The following TPO variants were observed in gnomAD, a reference collection of about 807,000 sequenced individuals.
The protein encoded by TPO is thyroid microsomal antigen.
TPO carries 78 observed loss-of-function variants against 96.9 expected under a neutral mutation model. The ratio of observed to expected loss-of-function variants is 0.81; its 90% CI spans 0.67 to 0.97. The LOEUF is 0.97. TPO is among the 50% of genes least tolerant of loss of function. The probability of loss-of-function intolerance (pLI) is 0.00; values close to 1 mark genes in which losing one functional copy is unlikely to be tolerated. For synonymous variants in TPO, 547 were observed against 538.0 expected (o/e 1.02, Z -0.23); for missense variants, 1,252 against 1,274.8 (o/e 0.98, Z 0.27).
At chr2:1,440,367 G>T (rs1368486427) in intron 5 of TPO, among the ~76,000 whole-genome samples, 1 of 144,060 alleles carries the variant, frequency 6.9e-6, no homozygotes, top group Non-Finnish European at 1.5e-5. Flanking sequence ...CAAGTGGATG[G>T]CAGGGTTTCT....
chr2:1,463,755 AC>A (rs1456347833), intron 7 of TPO, among the ~76,000 whole-genome samples: 3 of 151,588 alleles, frequency 2.0e-5, no homozygotes, highest in Non-Finnish European at 2.9e-5. Context: ...GGTGCTGCAA[AC>A]CCCCCATCCA....
At chr2:1,532,370 A>T (rs1357286661) in intron 15 of TPO, among the ~76,000 whole-genome samples, 8 of 50,302 alleles carry the variant, frequency 1.6e-4, no homozygotes, top group African/African-American at 4.4e-4. Flanking sequence ...TACCCCCCAC[A>T]GTGCGCAACC....
rs1475299156 is a variant in TPO at position 1,532,227 on chromosome 2, C to A, written c.2619-8367C>A. ...ACCACTGTGAGCAACCTCCTCAAATCCCCCCACTGCCTGCAACCTCCTCAA... is the reference window on the plus strand; with the variant it reads ...ACCACTGTGAGCAACCTCCTCAAATACCCCCACTGCCTGCAACCTCCTCAA... On this transcript the variant is annotated intron_variant, in intron 15 of 16. Coordinates refer to ENST00000329066, the MANE Select transcript of TPO (RefSeq NM_001206744.2). Among the ~76,000 whole-genome samples the A allele has an allele frequency of 8.7e-4, 46 of 52,904 alleles. 1 individual carries two copies. The highest frequency in any genetic ancestry group is 5.6e-3 in the South Asian group (5 of 896). The allele number at this position is 52,904 out of a possible 152,430, so 34.7% of individuals were successfully genotyped here.
rs1045887698 is a variant in TPO at position 1,414,320 on chromosome 2, G to A, written c.-1-88G>A. ...AGGCTGCGTGGAGTCAGTGGAGGGA[G>A]CCCCTCAGCAGGGAGACAAGGACAC... On this transcript the variant is annotated intron_variant, in intron 1 of 16. Transcript: ENST00000329066. The A allele has an allele frequency of 3.2e-6, 4 of 1,267,420 alleles. No homozygotes were observed. The African/African-American group carries it at 5.9e-5, about 19-fold the overall frequency. The allele number at this position is 1,267,420 out of a possible 1,614,324, so 78.5% of individuals were successfully genotyped here.
At chr2:1,428,071 A>T (rs1455565938) in intron 3 of TPO, among the ~76,000 whole-genome samples, 1 of 152,242 alleles carries the variant, frequency 6.6e-6, no homozygotes, top group Admixed American at 6.5e-5. Context: ...CTTCACATTA[A>T]GAATGCGAAA....
chr2:1,516,612 C>G (rs1674739081), intron 14 of TPO, among the ~76,000 whole-genome samples: 1 of 152,210 alleles, frequency 6.6e-6, no homozygotes. Flanking sequence ...CAGGACGCGT[C>G]CATGCCGAAC....
chr2:1,526,012 C>T lies in TPO; in HGVS notation c.2618+9030C>T, dbSNP rs115854585. ...ACCTCCCCAAATCCCCCACTGTGTG[C>T]AACCTCCCCAAATCCGCCCACTGTG... On this transcript the variant is annotated intron_variant, in intron 15 of 16. Transcript: ENST00000329066. Among the ~76,000 whole-genome samples, 713 of 129,846 alleles carry T rather than the reference C, an allele frequency of 5.5e-3. 8 individuals are homozygous for T. Among genetic ancestry groups the T allele is most frequent in the African/African-American group, 0.021 (686 of 33,354 alleles). 85.2% of individuals were successfully genotyped at this position (129,846 alleles called of 152,430 possible).
intron 1 of TPO, among the ~76,000 whole-genome samples, chr2:1,406,203 C>T (rs997556233): frequency 1.3e-5 from 2 of 152,150 alleles, no homozygotes; most frequent in Non-Finnish European, 2.9e-5. Context: ...GTGTATTTAC[C>T]GACCTTCACC....
At chr2:1,516,479 C>G (rs959050941) in intron 14 of TPO, among the ~76,000 whole-genome samples, 1 of 152,216 alleles carries the variant, frequency 6.6e-6, no homozygotes, top group South Asian at 2.1e-4. Context: ...TCCCTTACAG[C>G]CCACCTTGCG....
chr2:1,501,067 G>A (rs1215566361), intron 13 of TPO, among the ~76,000 whole-genome samples: 1 of 152,062 alleles, frequency 6.6e-6, no homozygotes, highest in African/African-American at 2.4e-5. Context: ...CTGTGAGTCA[G>A]TGGCTTTTTC....
chr2:1,521,639 A>T (rs190297910), intron 15 of TPO, among the ~76,000 whole-genome samples: 380 of 152,244 alleles, frequency 2.5e-3, no homozygotes, highest in African/African-American at 8.3e-3. Flanking sequence ...AGTCCGAGAG[A>T]ACTGGCCCTT....
At chr2:1,390,575 T>C (rs146563337) in intron 1 of TPO, among the ~76,000 whole-genome samples, 1,606 of 152,270 alleles carry the variant, frequency 0.011, 36 homozygotes, top group African/African-American at 0.037. Context: ...AAATGGTAAT[T>C]CTATTTCTAG....
At position 1,394,901 on chromosome 2, in the gene TPO, C is replaced by G. The variant is rs529297918; in HGVS notation, n.180+20499C>G. Among the ~76,000 whole-genome samples the G allele has an allele frequency of 1.2e-4, 18 of 152,284 alleles. No homozygotes were observed. In the South Asian group the frequency reaches 3.7e-3, roughly 32 times the overall value. On this transcript the variant is annotated intron_variant and non_coding_transcript_variant, in intron 1 of 5. Transcript: ENST00000497517. The stretch of plus-strand genomic sequence containing the variant: ...AGGAGCGGAACTCAGGATGTGCCCC[C>G]ACGTGATTCCAGGCTCCTAGTCACC...
intron 15 of TPO, among the ~76,000 whole-genome samples, chr2:1,527,066 CCTCA>C (rs901809284): frequency 2.9e-5 from 4 of 137,556 alleles, no homozygotes; most frequent in East Asian, 2.5e-4. Context: ...CCTCAAATCC[CCTCA>C]CTGTGTGCCA....
chr2:1,375,583 A>G (rs1661710603), intron 1 of TPO, among the ~76,000 whole-genome samples: 1 of 152,060 alleles, frequency 6.6e-6, no homozygotes. Context: ...TCCACGTTTT[A>G]CACACGATAA....
intron 1 of TPO, among the ~76,000 whole-genome samples, chr2:1,377,076 C>A (rs1661733659): frequency 6.6e-6 from 1 of 152,160 alleles, no homozygotes; most frequent in East Asian, 1.9e-4. Flanking sequence ...AGAGCTCGGC[C>A]ACTTAAATAA....
intron 5 of TPO, among the ~76,000 whole-genome samples, chr2:1,444,501 T>C (rs1295440636): frequency 9.3e-6 from 1 of 108,042 alleles, no homozygotes; most frequent in African/African-American, 3.6e-5. Context: ...TGGAAGGGAA[T>C]GGGGCAGGCT....
chr2:1,469,323 C>T (rs1669171253), intron 7 of TPO, among the ~76,000 whole-genome samples: 1 of 152,132 alleles, frequency 6.6e-6, no homozygotes, highest in South Asian at 2.1e-4. Flanking sequence ...GGTTCCTTCT[C>T]ATTTGGGTAG....
At position 1,477,535 on chromosome 2, in the gene TPO, C is replaced by T. The variant is rs759953470; in HGVS notation, c.1269C>T (p.Ala423=). ...EHNRLAAALK[A]LNAHWSADAV... ...ACCGCCTGGCCGCGGCGCTCAAGGC[C>T]CTCAATGCGCACTGGAGCGCGGACG... The change falls in exon 8 of 17, where the codon GCC becomes GCT. Residue 423 remains alanine (A), a synonymous_variant. Transcript: ENST00000329066. The T allele has an allele frequency of 5.2e-6, 8 of 1,535,214 alleles. No homozygotes were observed. In the Admixed American group the frequency reaches 1.6e-4, roughly 30 times the overall value.
Sources: gnomAD v4.1 joint callset for allele counts (sites outside exome capture counted in the v4.1 genomes callset) on GRCh38, gnomAD v4.1.1 for gene constraint, MANE v1.5 for transcripts, NCBI Gene and HGNC (gene_info 2026-07-23, HGNC 2026-07-21) for gene names.